Variants in KIAA1755 observed in about 807,000 individuals in gnomAD.
KIAA1755 encodes uncharacterized protein KIAA1755.
In KIAA1755, 68 loss-of-function variants were observed where a neutral mutation model predicts 91.7. That is an observed-to-expected ratio of 0.74 (90% confidence interval 0.61 to 0.91). The LOEUF (loss-of-function observed/expected upper bound fraction) is 0.91, where lower values mean the gene tolerates loss of function less well. Among genes scored for constraint, KIAA1755 ranks in the 40% least tolerant of loss-of-function variants. The pLI is 0.00. For missense variants in KIAA1755, 1,535 were observed against 1,494.4 expected (o/e 1.03, Z -0.45); for synonymous variants, 610 against 604.6 (o/e 1.01, Z -0.13).
In KIAA1755 at chr20:38,230,819, C is replaced by T. The variant is rs535219498; in HGVS notation, c.1871+383G>A. On this transcript the variant is annotated intron_variant, in intron 5 of 13. Coordinates refer to ENST00000279024, the MANE Select transcript of KIAA1755 (RefSeq NM_001029864.2). ...AGGAGAATCGCTTGAACCCGGGAGG[C>T]GGAGATTGCAGTGAGCTGAGATTGC... is the stretch of plus-strand genomic sequence containing the variant. Among the ~76,000 whole-genome samples the T allele has an allele frequency of 6.0e-5, 9 of 150,410 alleles. No homozygotes were observed. In the South Asian group the frequency reaches 1.5e-3, roughly 25 times the overall value.
At chr20:38,234,029 G>A (rs1434279745) in intron 4 of KIAA1755, among the ~76,000 whole-genome samples, 1 of 152,122 alleles carries the variant, frequency 6.6e-6, no homozygotes, top group East Asian at 1.9e-4. Context: ...GGGAGAAGAT[G>A]GGCATTTGCA....
At chr20:38,253,132 T>A (rs1472672148) in intron 1 of KIAA1755, among the ~76,000 whole-genome samples, 1 of 151,896 alleles carries the variant, frequency 6.6e-6, no homozygotes, top group Non-Finnish European at 1.5e-5. Flanking sequence ...AGGAAGAAGG[T>A]GAGACGAGCC....
rs1270726314 is a variant in KIAA1755, at chr20:38,240,650, T to C, written c.1481A>G (p.Asn494Ser). ...VTPEKASLQH[N>S]GPWKVLCSLY... Reference sequence around the variant, plus strand: ...GGAACACAGGACTTTCCAGGGCCCATTGTGCTGGAGTGAGGCTTTCTCCGG... The same window carrying C: ...GGAACACAGGACTTTCCAGGGCCCACTGTGCTGGAGTGAGGCTTTCTCCGG... The change falls in exon 3 of 14, where the codon AAT becomes AGT. Residue 494 changes from asparagine to serine, a missense_variant. Coordinates refer to ENST00000279024, the MANE Select transcript of KIAA1755 (RefSeq NM_001029864.2). 1.3e-6 allele frequency: 2 copies of C among 1,524,430 alleles called. No homozygotes were observed. The highest frequency in any genetic ancestry group is 1.4e-5 in the African/African-American group (1 of 71,912). The allele number at this position is 1,524,430 out of a possible 1,614,324, so 94.4% of individuals were successfully genotyped here.
At position 38,239,620 on chromosome 20, in the gene KIAA1755, C is replaced by T. The variant is rs2076018205; in HGVS notation, c.1655G>A (p.Gly552Asp). The T allele has an allele frequency of 6.2e-7, 1 of 1,605,558 alleles. No homozygotes were observed. Among genetic ancestry groups the T allele is most frequent in the East Asian group, 2.2e-5 (1 of 44,822 alleles). ...PEASAGSPER[G>D]PTLEEEPPGP... Reference sequence around the variant, plus strand: ...TGGGGGCTCCTCCTCCAGGGTGGGGCCTCTTTCTGGGGAGCCTGCAGAAGC... The same window carrying T: ...TGGGGGCTCCTCCTCCAGGGTGGGGTCTCTTTCTGGGGAGCCTGCAGAAGC... Residue 552 changes from glycine (G) to aspartate (D), a missense_variant, in exon 4 of 14, where the codon GGC (glycine) becomes GAC (aspartate). Gly to Asp is a moderately conservative substitution (Grantham distance 94). Transcript: ENST00000279024.
intron 4 of KIAA1755, among the ~76,000 whole-genome samples, chr20:38,238,991 G>A (rs1402675768): frequency 2.0e-5 from 3 of 152,138 alleles, no homozygotes; most frequent in Admixed American, 6.5e-5. Context: ...GGATCAGCCC[G>A]AAGTTCCTGC....
chr20:38,220,933 G>A (rs558490536), intron 10 of KIAA1755, among the ~76,000 whole-genome samples: 2 of 152,218 alleles, frequency 1.3e-5, no homozygotes, highest in Non-Finnish European at 2.9e-5. Context: ...GAAGAAGTGT[G>A]GATGGGATTT....
At chr20:38,220,265 ACT>A (rs2075632635) in intron 10 of KIAA1755, among the ~76,000 whole-genome samples, 1 of 143,254 alleles carries the variant, frequency 7.0e-6, no homozygotes, top group East Asian at 2.0e-4. Flanking sequence ...ACAAAGTCAG[ACT>A]CTGAGTGCAA....
intron 12 of KIAA1755, 177 bp downstream of exon 12, chr20:38,218,067 A>G: frequency 1.3e-6 from 1 of 747,396 alleles, no homozygotes. Flanking sequence ...CCATCTGGTA[A>G]GAATCTCTGG....
In KIAA1755 at chr20:38,252,353, A is replaced by G. The variant is rs140059257; in HGVS notation, c.4-6227T>C. Reference sequence around the variant, plus strand: ...CCCTGTGTCCACTACTGTCACCCCAATGATAACAACAGTCTCCAGGCGGCT... The same window carrying G: ...CCCTGTGTCCACTACTGTCACCCCAGTGATAACAACAGTCTCCAGGCGGCT... On this transcript the variant is annotated intron_variant, in intron 1 of 13. Transcript: ENST00000279024. Among the ~76,000 whole-genome samples the G allele has an allele frequency of 3.8e-3, 584 of 152,168 alleles. 8 individuals are homozygous for G. The highest frequency in any genetic ancestry group is 0.014 in the African/African-American group (561 of 41,488).
intron 1 of KIAA1755, among the ~76,000 whole-genome samples, chr20:38,256,761 C>T (rs1022511212): frequency 2.0e-5 from 3 of 152,106 alleles, no homozygotes; most frequent in Admixed American, 6.5e-5. Context: ...TATGATCATA[C>T]CACTGTACTC....
chr20:38,215,325 C>G (rs1478268927), intron 13 of KIAA1755, among the ~76,000 whole-genome samples: 1 of 152,222 alleles, frequency 6.6e-6, no homozygotes, highest in African/African-American at 2.4e-5. Context: ...TCCACACAGG[C>G]CATCCCCAGG....
intron 11 of KIAA1755, 82 bp downstream of exon 11, chr20:38,219,548 A>G: frequency 6.4e-7 from 1 of 1,552,012 alleles, no homozygotes; most frequent in Non-Finnish European, 8.8e-7. Context: ...GCACCTGACT[A>G]GGGACGGGCC....
At position 38,241,735 on chromosome 20, in the gene KIAA1755, G is replaced by A; in HGVS notation, c.396C>T (p.Asp132=). 1 of 1,614,228 alleles carries A rather than the reference G, an allele frequency of 6.2e-7. No individual in the cohort carries two copies. Among genetic ancestry groups the A allele is most frequent in the Non-Finnish European group, 8.5e-7 (1 of 1,180,038 alleles). ...AGGCTGGCTCTGGAACAGGCTTCTTGTCCACTGTGCAGAGGTCCAGGGAGA... is the reference window on the plus strand; with the variant it reads ...AGGCTGGCTCTGGAACAGGCTTCTTATCCACTGTGCAGAGGTCCAGGGAGA... ...KCLSLDLCTV[D]KKPVPEPAYP... is the part of the protein sequence containing the mutation. Residue 132 remains aspartate (D), a synonymous_variant, in exon 3 of 14, where the codon GAC becomes GAT. Transcript: ENST00000279024.
At chr20:38,245,078 G>C (rs145021822) in intron 2 of KIAA1755, among the ~76,000 whole-genome samples, 2 of 152,136 alleles carry the variant, frequency 1.3e-5, no homozygotes, top group African/African-American at 4.8e-5. Context: ...AGGTAGACAC[G>C]TGACTCAAGC....
At chr20:38,258,253 T>A (rs1170201814) in intron 1 of KIAA1755, among the ~76,000 whole-genome samples, 1 of 152,262 alleles carries the variant, frequency 6.6e-6, no homozygotes, top group Non-Finnish European at 1.5e-5. Flanking sequence ...GGTTGTGATA[T>A]AAAATTTTCT....
intron 10 of KIAA1755, 87 bp downstream of exon 10, chr20:38,222,362 G>A (rs531770107): frequency 4.2e-5 from 60 of 1,412,146 alleles, no homozygotes; most frequent in Admixed American, 1.8e-4. Flanking sequence ...GCTCAGCTAT[G>A]TGTGCCCTAG....
Position 38,213,542 on chromosome 20 carries a change from C to G in KIAA1755, c.3103G>C (p.Glu1035Gln). The change falls in exon 14 of 14, where the codon GAG becomes CAG. Residue 1035 changes from glutamate to glutamine, a missense_variant. Physicochemically the swap from Glu to Gln is conservative, Grantham distance 29. Coordinates refer to ENST00000279024, the MANE Select transcript of KIAA1755 (RefSeq NM_001029864.2). ...SRAGLGQELW[E>Q]EARIRHEEIR... ...TCCTCATGCCTGATCCGGGCCTCCT[C>G]CCATAGCTCCTGGCCCAGGCCTGCC... The G allele has an allele frequency of 6.2e-7, 1 of 1,609,200 alleles. No individual in the cohort carries two copies. The highest frequency in any genetic ancestry group is 8.5e-7 in the Non-Finnish European group (1 of 1,177,870).
intron 1 of KIAA1755, among the ~76,000 whole-genome samples, chr20:38,250,513 T>G (rs1050136057): frequency 1.9e-5 from 2 of 103,094 alleles, no homozygotes; most frequent in African/African-American, 6.7e-5. Flanking sequence ...TGTGTGTGTC[T>G]GTGTGTGTGT....
chr20:38,218,652 C>T (rs763496861), intron 11 of KIAA1755, among the ~76,000 whole-genome samples: 93 of 152,352 alleles, frequency 6.1e-4, no homozygotes, highest in Admixed American at 1.9e-3. Flanking sequence ...GGGTGGTGAA[C>T]TTCAGGCTAC....
Sources: gnomAD v4.1 joint callset for allele counts (sites outside exome capture counted in the v4.1 genomes callset) on GRCh38, gnomAD v4.1.1 for gene constraint, MANE v1.5 for transcripts, NCBI Gene and HGNC (gene_info 2026-07-23, HGNC 2026-07-21) for gene names.